LAMC2: variants seen among roughly 807,000 people sequenced by gnomAD.
LAMC2 encodes the protein laminin subunit gamma 2, also known as laminin subunit gamma-2.
A neutral mutation model predicts 140.2 loss-of-function variants in LAMC2; 97 were observed. The observed-to-expected ratio is 0.69, with a 90% CI of 0.59 to 0.82. LAMC2 has a LOEUF of 0.82. Ranked by LOEUF, LAMC2 falls within the 40% of genes least tolerant of loss-of-function variation. The probability of loss-of-function intolerance (pLI) is 0.00; values close to 1 mark genes in which losing one functional copy is unlikely to be tolerated. For missense variants in LAMC2, 1,402 were observed against 1,476.1 expected (o/e 0.95, Z 0.82); for synonymous variants, 513 against 540.2 (o/e 0.95, Z 0.70).
chr1:183,194,754 G>A (rs1658461872), intron 1 of LAMC2, among the ~76,000 whole-genome samples: 1 of 152,192 alleles, frequency 6.6e-6, no homozygotes, highest in South Asian at 2.1e-4. Flanking sequence ...AGGGGCATAG[G>A]ATACCTTTTT....
chr1:183,214,214 G>A (rs1343435539), intron 2 of LAMC2, among the ~76,000 whole-genome samples: 5 of 152,082 alleles, frequency 3.3e-5, no homozygotes, highest in African/African-American at 4.8e-5. Flanking sequence ...CAGATTTCTG[G>A]GCACCTGCCT....
intron 22 of LAMC2, among the ~76,000 whole-genome samples, chr1:183,242,594 A>G (rs1185227341): frequency 6.6e-6 from 1 of 152,220 alleles, no homozygotes; most frequent in Admixed American, 6.5e-5. Context: ...CTGCTGTTTC[A>G]GGCTGGAATG....
chr1:183,255,091 G>T, the LAMC2 span, among the ~76,000 whole-genome samples: 2 of 152,106 alleles, frequency 1.3e-5, no homozygotes, highest in African/African-American at 4.8e-5. Flanking sequence ...GCTGATTTTT[G>T]TGACTGGTGT....
At chr1:183,217,295 G>A (rs1659300243) in intron 3 of LAMC2, among the ~76,000 whole-genome samples, 1 of 152,082 alleles carries the variant, frequency 6.6e-6, no homozygotes, top group Non-Finnish European at 1.5e-5. Flanking sequence ...GGATGAGATA[G>A]GGAGATTGTG....
At chr1:183,207,838 T>TTTTTTG in intron 1 of LAMC2, 43 bp from the exon 2 acceptor site, 1 of 1,466,224 alleles carries the variant, frequency 6.8e-7, no homozygotes, top group Non-Finnish European at 9.4e-7. Context: ...CTGAGGTGTT[T>TTTTTTG]TTTTTTTTTT....
rs1660197038 is a variant in LAMC2, at chr1:183,244,268, AT to A, written c.*869del. ...CAATCCTACTTTTCGAACACCAAAA[AT>A]GATGCGCATCAATGTATTTTATCTT... On this transcript the variant is annotated 3_prime_UTR_variant, in exon 23 of 23. Coordinates refer to ENST00000264144, the MANE Select transcript of LAMC2 (RefSeq NM_005562.3). 1 of 152,216 alleles carries A rather than the reference AT, an allele frequency of 6.6e-6. No individual in the cohort carries two copies. Among genetic ancestry groups the A allele is most frequent in the African/African-American group, 2.4e-5 (1 of 41,456 alleles). The allele number at this position is 152,216 out of a possible 1,614,324, so 9.4% of individuals were successfully genotyped here.
intron 2 of LAMC2, among the ~76,000 whole-genome samples, chr1:183,214,954 ACT>A (rs1343044707): frequency 6.6e-6 from 1 of 152,062 alleles, no homozygotes; most frequent in Non-Finnish European, 1.5e-5. Context: ...CACAGGGGAC[ACT>A]CTCTAGCACT....
intron 1 of LAMC2, 51 bp downstream of exon 1, chr1:183,186,482 C>G: frequency 6.3e-7 from 1 of 1,581,790 alleles, no homozygotes; most frequent in Non-Finnish European, 8.6e-7. Context: ...GAGAATCTGC[C>G]TTTCTCTGCA....
At chr1:183,206,627 G>A (rs1443668106) in intron 1 of LAMC2, among the ~76,000 whole-genome samples, 1 of 150,134 alleles carries the variant, frequency 6.7e-6, no homozygotes, top group Admixed American at 6.6e-5. Context: ...ACTCCAGCCT[G>A]GGCGACAGAG....
intron 11 of LAMC2, among the ~76,000 whole-genome samples, chr1:183,230,506 G>A (rs113778354): frequency 2.0e-4 from 31 of 152,318 alleles, no homozygotes; most frequent in African/African-American, 6.5e-4. Flanking sequence ...AAAGGCCGCA[G>A]AACAGAGGAA....
intron 16 of LAMC2, 62 bp from the exon 17 acceptor site, chr1:183,236,398 A>G: frequency 6.6e-7 from 1 of 1,512,696 alleles, no homozygotes; most frequent in Non-Finnish European, 9.0e-7. Flanking sequence ...CAAAAAAAAA[A>G]AAAAAAAAGA....
chr1:183,241,589 A>G (rs1486678150), intron 22 of LAMC2, among the ~76,000 whole-genome samples: 2 of 152,228 alleles, frequency 1.3e-5, no homozygotes, highest in African/African-American at 4.8e-5. Context: ...TTCGTCACAG[A>G]TTCCAGTAAC....
chr1:183,254,309 C>G, the LAMC2 span, among the ~76,000 whole-genome samples: 1 of 152,044 alleles, frequency 6.6e-6, no homozygotes, highest in Non-Finnish European at 1.5e-5. Flanking sequence ...TCTCATAATG[C>G]CTTTAATTTT....
At chr1:183,194,619 T>G (rs1447117929) in intron 1 of LAMC2, among the ~76,000 whole-genome samples, 1 of 152,252 alleles carries the variant, frequency 6.6e-6, no homozygotes, top group Non-Finnish European at 1.5e-5. Context: ...TAGAATCTCC[T>G]TTTTAACTTC....
intron 2 of LAMC2, among the ~76,000 whole-genome samples, chr1:183,209,075 T>C (rs1658994121): frequency 6.6e-6 from 1 of 151,930 alleles, no homozygotes; most frequent in Admixed American, 6.6e-5. Flanking sequence ...CACTGTGCTG[T>C]ATTCATTGTG....
chr1:183,195,376 A>C (rs1658482858), intron 1 of LAMC2, among the ~76,000 whole-genome samples: 2 of 152,174 alleles, frequency 1.3e-5, no homozygotes. Flanking sequence ...AGGAAATGGC[A>C]GTGATCTGAG....
Position 183,241,491 on chromosome 1 carries a change from A to T in LAMC2, c.3328+1100A>T, listed in dbSNP as rs1660134826. Among the ~76,000 whole-genome samples the T allele has an allele frequency of 2.0e-5, 3 of 152,158 alleles. No homozygotes were observed. The South Asian group carries it at 6.2e-4, about 32-fold the overall frequency. On this transcript the variant is annotated intron_variant, in intron 22 of 22. Transcript: ENST00000264144. ...TCCCAAAAGAAAACTTATTTTGGTT[A>T]AATTTCTGGATTTAGGTAGAGCTGA...
the LAMC2 span, chr1:183,252,799 G>A: frequency 7.9e-7 from 1 of 1,268,920 alleles, no homozygotes; most frequent in Non-Finnish European, 1.2e-6. Flanking sequence ...CAAGTCAGGA[G>A]GACTGGCATG....
Position 183,226,701 on chromosome 1 carries a change from C to CT in LAMC2, c.1071dup (p.Gly358TrpfsTer4). The CT allele has an allele frequency of 6.2e-7, 1 of 1,613,972 alleles. No homozygotes were observed. Among genetic ancestry groups the CT allele is most frequent in the Non-Finnish European group, 8.5e-7 (1 of 1,179,794 alleles). ...TAACCTGTTCTCTCGATTGCAGGTACTGGGTACATTGACAATGTGACCCTG... is the reference window on the plus strand; with the variant it reads ...TAACCTGTTCTCTCGATTGCAGGTACTTGGGTACATTGACAATGTGACCCTG... On this transcript the variant is annotated frameshift_variant, in exon 9 of 23. Coordinates refer to ENST00000264144, the MANE Select transcript of LAMC2 (RefSeq NM_005562.3). LOFTEE classifies it high-confidence loss of function.
Sources: gnomAD v4.1 joint callset for allele counts (sites outside exome capture counted in the v4.1 genomes callset) on GRCh38, gnomAD v4.1.1 for gene constraint, MANE v1.5 for transcripts, NCBI Gene and HGNC (gene_info 2026-07-23, HGNC 2026-07-21) for gene names.